Variants in OLFML2B observed in about 807,000 individuals in gnomAD.
OLFML2B encodes the protein olfactomedin like 2B.
OLFML2B carries 57 observed loss-of-function variants against 74.9 expected under a neutral mutation model. The ratio of observed to expected loss-of-function variants is 0.76; its 90% confidence interval spans 0.61 to 0.95. OLFML2B has a LOEUF of 0.95. Among genes scored for constraint, OLFML2B ranks in the 40% least tolerant of loss-of-function variants. The probability of loss-of-function intolerance (pLI) is 0.00; values close to 1 mark genes in which losing one functional copy is unlikely to be tolerated. For synonymous variants in OLFML2B, 388 were observed against 405.8 expected, an observed-to-expected ratio of 0.96 and a Z score of 0.53; for missense variants, 986 against 970.6, an observed-to-expected ratio of 1.02 and a Z score of -0.21.
chr1:161,985,193 C>G, intron 6 of OLFML2B: 1 of 475,600 alleles, frequency 2.1e-6, no homozygotes, highest in Non-Finnish European at 3.7e-6. Context: ...CCATGCCCAT[C>G]TTTGGCAACT....
At chr1:162,021,707 C>T (rs1335094509) in intron 1 of OLFML2B, among the ~76,000 whole-genome samples, 1 of 152,188 alleles carries the variant, frequency 6.6e-6, no homozygotes, top group Admixed American at 6.5e-5. Flanking sequence ...ACTTAAGCGG[C>T]TGTTCTTTAC....
rs1689483164 is a variant in OLFML2B at position 161,983,485 on chromosome 1, A to AT, written c.*189dup. Reference sequence around the variant, plus strand: ...AAACTGGGGAGGATGAGACCAGCACATACACGTATGGATTGATCTACAATC... The same window carrying AT: ...AAACTGGGGAGGATGAGACCAGCACATTACACGTATGGATTGATCTACAATC... On this transcript the variant is annotated 3_prime_UTR_variant, in exon 8 of 8. Transcript: ENST00000294794. 5.1e-6 allele frequency: 3 copies of AT among 586,170 alleles called. No individual in the cohort carries two copies. Among genetic ancestry groups the AT allele is most frequent in the Non-Finnish European group, 8.6e-6 (3 of 347,486 alleles). The allele number at this position is 586,170 out of a possible 1,614,324, so 36.3% of individuals were successfully genotyped here.
chr1:161,990,623 T>A (rs1476359694), intron 6 of OLFML2B, among the ~76,000 whole-genome samples: 5 of 152,234 alleles, frequency 3.3e-5, no homozygotes, highest in Non-Finnish European at 7.3e-5. Flanking sequence ...CTTGCCTCGA[T>A]GTTGATGGCT....
intron 1 of OLFML2B, among the ~76,000 whole-genome samples, chr1:162,022,702 C>G (rs1056423335): frequency 2.0e-5 from 3 of 152,088 alleles, no homozygotes; most frequent in Non-Finnish European, 4.4e-5. Flanking sequence ...GACAGTCTGC[C>G]CTAGCTGCCT....
chr1:161,999,846 T>G (rs2499834), intron 5 of OLFML2B, among the ~76,000 whole-genome samples: 130,458 of 152,100 alleles, frequency 0.86, 56,194 homozygotes, highest in African/African-American at 0.88. Flanking sequence ...GGGAGGACTG[T>G]ACTGGAGGGC....
intron 6 of OLFML2B, among the ~76,000 whole-genome samples, chr1:161,995,667 G>A (rs759753031): frequency 1.3e-5 from 2 of 152,196 alleles, no homozygotes; most frequent in East Asian, 1.9e-4. Context: ...GCAAGTCACC[G>A]ACGGAAGAGG....
At chr1:162,005,680 C>G (rs186929833) in intron 4 of OLFML2B, among the ~76,000 whole-genome samples, 2 of 152,040 alleles carry the variant, frequency 1.3e-5, no homozygotes, top group African/African-American at 2.4e-5. Flanking sequence ...TTGCTTGTGG[C>G]CAGGAGTTCC....
Position 161,984,077 on chromosome 1 carries a change from G to A in OLFML2B, c.1851C>T (p.His617=), listed in dbSNP as rs1558051085. Residue 617 remains histidine, a synonymous_variant, in exon 8 of 8, where the codon CAC becomes CAT. Transcript: ENST00000294794. ...CGTCCACAGCAAAGTCCACGTCTGA[G>A]TGGCCCTGCCATCGCCAGGGGGTGG... The part of the protein sequence containing the change: ...EEATPWRWQG[H]SDVDFAVDEN... 3.7e-6 allele frequency: 6 copies of A among 1,613,648 alleles called. No individual in the cohort carries two copies. Among genetic ancestry groups the A allele is most frequent in the East Asian group, 2.2e-5 (1 of 44,850 alleles).
chr1:162,023,007 T>C (rs189249364), intron 1 of OLFML2B, among the ~76,000 whole-genome samples: 1 of 152,320 alleles, frequency 6.6e-6, no homozygotes. Flanking sequence ...TCTCAAGAAG[T>C]CGAGCGGCAT....
intron 1 of OLFML2B, among the ~76,000 whole-genome samples, chr1:162,022,933 C>T (rs571179710): frequency 6.6e-6 from 1 of 152,306 alleles, no homozygotes; most frequent in Admixed American, 6.5e-5. Context: ...TTCTGACAGA[C>T]AGCCACATAG....
chr1:162,006,323 C>A lies in OLFML2B; in HGVS notation c.697G>T (p.Ala233Ser). The A allele has an allele frequency of 6.2e-7, 1 of 1,601,402 alleles. No individual in the cohort carries two copies. The highest frequency in any genetic ancestry group is 8.5e-7 in the Non-Finnish European group (1 of 1,175,704). The change falls in exon 4 of 8, where the codon GCA becomes TCA. Residue 233 changes from alanine to serine, a missense_variant. Transcript: ENST00000294794. The part of the protein sequence containing the change: ...PDIRSALQRD[A>S]AAAYAHPEYE... ...TCTGGGTGGGCGTAGGCTGCTGCTG[C>A]ATCCCTCTGCAGGGCTGAGCGGATG...
At position 162,019,991 on chromosome 1, in the gene OLFML2B, T is replaced by C; in HGVS notation, c.366A>G (p.Pro122=). ...SSCKCACVAP[P]SALNPCEGDF... Reference sequence around the variant, plus strand: ...CTCCCTCGCAGGGATTGAGGGCCGATGGGGGTGCTACACAGGCACACTTGC... The same window carrying C: ...CTCCCTCGCAGGGATTGAGGGCCGACGGGGGTGCTACACAGGCACACTTGC... The change falls in exon 2 of 8, where the codon CCA becomes CCG. Residue 122 remains proline (P), a synonymous_variant. Transcript: ENST00000294794. 1.9e-6 allele frequency: 3 copies of C among 1,614,160 alleles called. No individual in the cohort carries two copies. Among genetic ancestry groups the C allele is most frequent in the Non-Finnish European group, 1.7e-6 (2 of 1,180,014 alleles).
rs536660594 is a variant in OLFML2B at position 161,992,267 on chromosome 1, C to T, written c.1474+5558G>A. On this transcript the variant is annotated intron_variant, in intron 6 of 7. Transcript: ENST00000294794. ...TCTGCAGCTTCTTCACCTCTGTCAG[C>T]CATCATAGAATTGAAGAGAGTTAGG... Among the ~76,000 whole-genome samples the T allele has an allele frequency of 1.3e-3, 198 of 152,332 alleles. 2 individuals are homozygous for T. Among genetic ancestry groups the T allele is most frequent in the Non-Finnish European group, 1.9e-3 (131 of 68,038 alleles).
Position 162,017,524 on chromosome 1 carries a change from G to A in OLFML2B, c.439-17C>T. The A allele has an allele frequency of 6.3e-7, 1 of 1,595,992 alleles. No homozygotes were observed. Among genetic ancestry groups the A allele is most frequent in the Non-Finnish European group, 8.6e-7 (1 of 1,166,896 alleles). ...TGTGGAGAGCTATGAAACAAGGCAAGGGGTTAGTCCAGGGCTGGGGCACAC... is the reference window on the plus strand; with the variant it reads ...TGTGGAGAGCTATGAAACAAGGCAAAGGGTTAGTCCAGGGCTGGGGCACAC... On this transcript the variant is annotated splice_polypyrimidine_tract_variant and intron_variant, in intron 2 of 7. Coordinates refer to ENST00000294794, the MANE Select transcript of OLFML2B (RefSeq NM_015441.3).
Position 162,023,371 on chromosome 1 carries a change from C to T in OLFML2B, c.60G>A (p.Val20=), listed in dbSNP as rs745430243. 4.4e-6 allele frequency: 7 copies of T among 1,605,358 alleles called. No homozygotes were observed. Among genetic ancestry groups the T allele is most frequent in the Non-Finnish European group, 6.0e-6 (7 of 1,174,842 alleles). ...YFALIVVPAW[V]SSIVLTGTSE... ...TTGTCCCTGTGAGGACAATGCTGGA[C>T]ACCCAGGCCGGAACCACAATCAGAG... The change falls in exon 1 of 8, where the codon GTG becomes GTA. Residue 20 remains valine, a synonymous_variant. Coordinates refer to ENST00000294794, the MANE Select transcript of OLFML2B (RefSeq NM_015441.3).
chr1:162,006,481 G>GT lies in OLFML2B; in HGVS notation c.547-9_547-8insA. The GT allele has an allele frequency of 7.0e-7, 1 of 1,425,654 alleles. No individual in the cohort carries two copies. 88.3% of individuals were successfully genotyped at this position (1,425,654 alleles called of 1,614,324 possible). ...GAGGTTTTTAGACACTTCCTGAGAA[G>GT]GAAAAAAAAAAGATGATCCATTAAA... On this transcript the variant is annotated splice_polypyrimidine_tract_variant and intron_variant, in intron 3 of 7. Transcript: ENST00000294794.
In OLFML2B at chr1:162,022,260, T is replaced by TTTTTTTTTTTC. The variant is rs1460566719; in HGVS notation, c.174+996_174+997insGAAAAAAAAAA. ...GTATCTCTTCTTTTTTTTTTTTTTT[T>TTTTTTTTTTTC]TTTTTTTTGAGACGGAGTCTCACTC... On this transcript the variant is annotated intron_variant, in intron 1 of 7. Transcript: ENST00000294794. 2.1e-3 allele frequency among the ~76,000 whole-genome samples: 266 copies of TTTTTTTTTTTC among 127,856 alleles called. 5 individuals carry two copies. Among genetic ancestry groups the TTTTTTTTTTTC allele is most frequent in the African/African-American group, 7.2e-3 (225 of 31,350 alleles). 83.9% of individuals were successfully genotyped at this position (127,856 alleles called of 152,430 possible). A position where few individuals can be genotyped will look rare whatever the true frequency, so the allele number is the denominator to read the frequency against.
intron 4 of OLFML2B, among the ~76,000 whole-genome samples, chr1:162,001,984 C>T (rs778251042): frequency 1.3e-5 from 2 of 152,218 alleles, no homozygotes; most frequent in African/African-American, 4.8e-5. Context: ...ATGGACCACT[C>T]TGTCCTCCAC....
At chr1:161,997,667 G>A (rs1689950585) in intron 6 of OLFML2B, among the ~76,000 whole-genome samples, 158 bp downstream of exon 6, 1 of 152,124 alleles carries the variant, frequency 6.6e-6, no homozygotes, top group Admixed American at 6.5e-5. Context: ...ATAAACCCTA[G>A]ATGTTAAAAC....
Sources: allele counts gnomAD v4.1 joint callset (sites outside exome capture counted in the v4.1 genomes callset), GRCh38; gene constraint gnomAD v4.1.1; transcripts MANE v1.5; gene names NCBI Gene and HGNC (gene_info 2026-07-23, HGNC 2026-07-21).